The following FBXO34 variants were observed in gnomAD, a reference collection of about 807,000 sequenced individuals.
The protein encoded by FBXO34 is F-box protein 34, also known as F-box only protein 34.
In FBXO34, 12 loss-of-function variants were observed where a neutral mutation model predicts 24.5. That is an observed-to-expected ratio of 0.49 (90% CI 0.31 to 0.79). The LOEUF is 0.79. Ranked by LOEUF, FBXO34 falls within the 30% of genes least tolerant of loss-of-function variation. FBXO34 has a pLI of 0.04. For missense variants in FBXO34, 823 were observed against 857.7 expected, an observed-to-expected ratio of 0.96 and a Z score of 0.51; for synonymous variants, 320 against 311.9, an observed-to-expected ratio of 1.03 and a Z score of -0.27.
At chr14:55,339,029 G>A (rs1883896861) in intron 1 of FBXO34, among the ~76,000 whole-genome samples, 1 of 152,066 alleles carries the variant, frequency 6.6e-6, no homozygotes, top group African/African-American at 2.4e-5. Flanking sequence ...GTGAAAATTA[G>A]CATTATCCCT....
intron 1 of FBXO34, among the ~76,000 whole-genome samples, chr14:55,294,619 A>T (rs1168349713): frequency 6.6e-6 from 1 of 152,232 alleles, no homozygotes; most frequent in Non-Finnish European, 1.5e-5. Context: ...AATAGTTTAC[A>T]TTTTAAATAC....
chr14:55,374,225 T>A (rs1884877703), downstream of FBXO34, among the ~76,000 whole-genome samples: 2 of 151,944 alleles, frequency 1.3e-5, no homozygotes, highest in Admixed American at 6.6e-5. Context: ...TGTTTTTTTT[T>A]AAAGAGATGG....
chr14:55,394,527 T>G, the FBXO34 span, among the ~76,000 whole-genome samples: 4 of 152,196 alleles, frequency 2.6e-5, no homozygotes, highest in African/African-American at 9.6e-5. Flanking sequence ...GATAAGCTGT[T>G]ACGCATGTCC....
chr14:55,296,389 T>G (rs1274231809), intron 1 of FBXO34, among the ~76,000 whole-genome samples: 2 of 114,132 alleles, frequency 1.8e-5, no homozygotes, highest in Non-Finnish European at 3.8e-5. Flanking sequence ...TGTGTTTTTT[T>G]TGTTTTTTTT....
the FBXO34 span, among the ~76,000 whole-genome samples, chr14:55,429,272 A>G: frequency 6.6e-6 from 1 of 152,258 alleles, no homozygotes; most frequent in South Asian, 2.1e-4. Context: ...GATTCCAAGG[A>G]TTCGCAAAGT....
At chr14:55,378,881 T>A in the FBXO34 span, among the ~76,000 whole-genome samples, 1 of 152,160 alleles carries the variant, frequency 6.6e-6, no homozygotes, top group Admixed American at 6.5e-5. Flanking sequence ...AATTTTTTTT[T>A]ATTTTTAGTA....
chr14:55,374,575 T>C (rs554008924), downstream of FBXO34, among the ~76,000 whole-genome samples: 1 of 152,364 alleles, frequency 6.6e-6, no homozygotes, highest in African/African-American at 2.4e-5. Flanking sequence ...TTATGGTTTT[T>C]GGGTTTTGTG....
chr14:55,345,638 A>G (rs1184389629), intron 1 of FBXO34, among the ~76,000 whole-genome samples: 1 of 152,130 alleles, frequency 6.6e-6, no homozygotes, highest in East Asian at 1.9e-4. Flanking sequence ...TTCTGTCTCA[A>G]GGGCAGCAAC....
rs142444939 is a variant in FBXO34 at position 55,337,755 on chromosome 14, A to G, written c.-10-12626A>G. Among the ~76,000 whole-genome samples, 155 of 152,318 alleles carry G rather than the reference A, an allele frequency of 1.0e-3. 1 individual carries two copies. The highest frequency in any genetic ancestry group is 3.6e-3 in the African/African-American group (148 of 41,574). On this transcript the variant is annotated intron_variant, in intron 1 of 1. Coordinates refer to ENST00000313833, the MANE Select transcript of FBXO34 (RefSeq NM_017943.4). ...GAATTTAATTTTAAGTAAGGTGTCAAACTTGAGGCATCCAGAATTGAACCT... is the reference window on the plus strand; with the variant it reads ...GAATTTAATTTTAAGTAAGGTGTCAGACTTGAGGCATCCAGAATTGAACCT...
the FBXO34 span, among the ~76,000 whole-genome samples, chr14:55,439,364 A>T: frequency 1.3e-5 from 2 of 151,528 alleles, no homozygotes; most frequent in Admixed American, 6.6e-5. Flanking sequence ...CTTGACTTCT[A>T]GAGGGAGGCC....
chr14:55,407,740 T>C, the FBXO34 span, among the ~76,000 whole-genome samples: 5 of 152,164 alleles, frequency 3.3e-5, no homozygotes, highest in South Asian at 1.0e-3. Flanking sequence ...TATTACACAT[T>C]GTGTGTGGTA....
the FBXO34 span, chr14:55,433,680 T>G: frequency 6.2e-7 from 1 of 1,613,998 alleles, no homozygotes; most frequent in African/African-American, 1.3e-5. Context: ...TAAGGGCTGT[T>G]GTCCTGGGCT....
In FBXO34 at chr14:55,331,749, ATATATATATATG is replaced by A. The variant is rs1373303713; in HGVS notation, c.-10-18620_-10-18609del. 3.8e-4 allele frequency among the ~76,000 whole-genome samples: 23 copies of A among 60,826 alleles called. 8 individuals are homozygous for A. Among genetic ancestry groups the A allele is most frequent in the African/African-American group, 3.6e-3 (21 of 5,784 alleles). The allele number at this position is 60,826 out of a possible 152,430, so 39.9% of individuals were successfully genotyped here. A position where few individuals can be genotyped will look rare whatever the true frequency, so the allele number is the denominator to read the frequency against. On this transcript the variant is annotated intron_variant, in intron 1 of 1. Coordinates refer to ENST00000313833, the MANE Select transcript of FBXO34 (RefSeq NM_017943.4). ...TATATGTATATATATATGTGTGTAT[ATATATATATATG>A]TATATATATATATATATACCACCAT...
intron 1 of FBXO34, among the ~76,000 whole-genome samples, chr14:55,274,704 T>C (rs1442011265): frequency 6.6e-6 from 1 of 152,248 alleles, no homozygotes; most frequent in Non-Finnish European, 1.5e-5. Flanking sequence ...ATTTTTACTT[T>C]ATTTTTTAAA....
chr14:55,373,553 G>A (rs1229501340), downstream of FBXO34, among the ~76,000 whole-genome samples: 1 of 152,096 alleles, frequency 6.6e-6, no homozygotes, highest in African/African-American at 2.4e-5. Flanking sequence ...TCCGCCTCCT[G>A]GGTTCAAGCG....
At chr14:55,354,157 G>A (rs992253536), downstream of FBXO34, among the ~76,000 whole-genome samples, 3 of 152,194 alleles carry the variant, frequency 2.0e-5, no homozygotes, top group Admixed American at 2.0e-4. Flanking sequence ...TCTGTGACAC[G>A]GGATCAAGAG....
the FBXO34 span, chr14:55,382,161 G>A: frequency 1.9e-6 from 3 of 1,614,058 alleles, no homozygotes; most frequent in African/African-American, 2.7e-5. Context: ...TCATGGCACT[G>A]TCACTCTCTG....
the FBXO34 span, chr14:55,390,773 T>C: frequency 6.3e-6 from 4 of 633,682 alleles, no homozygotes; most frequent in Non-Finnish European, 1.1e-5. Context: ...CAAGGAAAGA[T>C]GAGGGCGAGT....
chr14:55,362,816 C>T (rs1884610588), downstream of FBXO34, among the ~76,000 whole-genome samples: 1 of 152,062 alleles, frequency 6.6e-6, no homozygotes, highest in South Asian at 2.1e-4. Context: ...ACTTACACTC[C>T]AGAAATGTTG....
Sources: gnomAD v4.1 joint callset for allele counts (sites outside exome capture counted in the v4.1 genomes callset) on GRCh38, gnomAD v4.1.1 for gene constraint, MANE v1.5 for transcripts, NCBI Gene and HGNC (gene_info 2026-07-23, HGNC 2026-07-21) for gene names.